The following ZEB1 variants were observed in gnomAD, a reference collection of about 807,000 sequenced individuals.
ZEB1 encodes zinc finger E-box-binding homeobox 1.
A neutral mutation model predicts 84.9 loss-of-function variants in ZEB1; 21 were observed. That is an observed-to-expected ratio of 0.25 (90% CI 0.18 to 0.36). The LOEUF is 0.36. Among genes scored for constraint, ZEB1 ranks in the 10% least tolerant of loss-of-function variants. The pLI, the probability that ZEB1 is intolerant of heterozygous loss-of-function variation, is 1.00. For synonymous variants in ZEB1, 420 were observed against 471.1 expected, an observed-to-expected ratio of 0.89 and a Z score of 1.41; for missense variants, 1,104 against 1,330.2, an observed-to-expected ratio of 0.83 and a Z score of 2.65.
At chr10:31,500,438 T>C (rs2067958300) in intron 3 of ZEB1, among the ~76,000 whole-genome samples, 1 of 152,084 alleles carries the variant, frequency 6.6e-6, no homozygotes, top group Non-Finnish European at 1.5e-5. Context: ...CCATATTATA[T>C]AGTTAATTGC....
Position 31,527,142 on chromosome 10 carries a change from G to T in ZEB1, c.3256G>T (p.Glu1086Ter). Residue 1086 changes from glutamate (E) to a stop codon, truncating the protein, a stop_gained, in exon 9 of 9, where the codon GAA becomes TAA. Transcript: ENST00000424869. LOFTEE classifies it low-confidence loss of function (END_TRUNC). ...EEVEEAENEG[E>*]EAKTEGLMKD... ...GGTAGAAGAGGCAGAGAATGAGGGA[G>T]AAGAAGCAAAAACTGAAGGTCTGAT... The T allele has an allele frequency of 6.2e-7, 1 of 1,608,984 alleles. No homozygotes were observed.
intron 1 of ZEB1, among the ~76,000 whole-genome samples, chr10:31,435,689 CA>C (rs1159942839): frequency 6.6e-6 from 1 of 152,090 alleles, no homozygotes; most frequent in Non-Finnish European, 1.5e-5. Context: ...AAAAACAGGT[CA>C]TTTAGCGAGA....
intron 1 of ZEB1, among the ~76,000 whole-genome samples, chr10:31,357,304 T>G (rs1024532661): frequency 2.0e-5 from 3 of 151,974 alleles, no homozygotes; most frequent in African/African-American, 7.2e-5. Context: ...GAACTCAGAG[T>G]AGGATGAGAA....
At chr10:31,391,394 A>G (rs573826281) in intron 1 of ZEB1, among the ~76,000 whole-genome samples, 10 of 151,700 alleles carry the variant, frequency 6.6e-5, no homozygotes, top group African/African-American at 2.4e-4. Context: ...TTTCTTCCTC[A>G]CTCTAAGAAG....
intron 4 of ZEB1, among the ~76,000 whole-genome samples, chr10:31,507,217 G>A (rs993539742): frequency 1.3e-5 from 2 of 152,204 alleles, no homozygotes; most frequent in African/African-American, 4.8e-5. Context: ...TCGTATGGAG[G>A]TTCCCTTACA....
chr10:31,489,063 G>A (rs1212862388), intron 2 of ZEB1, among the ~76,000 whole-genome samples: 1 of 151,216 alleles, frequency 6.6e-6, no homozygotes, highest in African/African-American at 2.4e-5. Flanking sequence ...TGCAAGAGGA[G>A]TATTAGAAGC....
chr10:31,357,268 TC>T (rs1213935470), intron 1 of ZEB1, among the ~76,000 whole-genome samples: 4 of 152,192 alleles, frequency 2.6e-5, no homozygotes, highest in Admixed American at 6.5e-5. Context: ...TCTAGCAACT[TC>T]AGCCATCTGC....
chr10:31,445,107 G>T (rs1442854991), intron 1 of ZEB1, among the ~76,000 whole-genome samples: 1 of 135,462 alleles, frequency 7.4e-6, no homozygotes, highest in Non-Finnish European at 1.5e-5. Context: ...GTGGTTTGTA[G>T]TTCTCCTTGA....
intron 1 of ZEB1, among the ~76,000 whole-genome samples, chr10:31,450,887 T>C (rs1291518311): frequency 6.6e-6 from 1 of 152,068 alleles, no homozygotes; most frequent in Non-Finnish European, 1.5e-5. Context: ...TGTGTGTGTG[T>C]GTGCGTGCGT....
intron 1 of ZEB1, among the ~76,000 whole-genome samples, chr10:31,331,081 C>CT (rs548615284): frequency 0.038 from 2,943 of 77,734 alleles, 454 homozygotes; most frequent in African/African-American, 0.11. Flanking sequence ...TTCTTTCTTT[C>CT]TTTTTTTTTT....
intron 1 of ZEB1, among the ~76,000 whole-genome samples, chr10:31,401,938 C>T (rs572664198): frequency 7.7e-4 from 116 of 151,330 alleles, no homozygotes; most frequent in Non-Finnish European, 1.3e-3. Context: ...AGGTTTCTTC[C>T]AAGAATGACT....
chr10:31,474,009 G>T lies in ZEB1; in HGVS notation c.259+12772G>T, dbSNP rs147504587. On this transcript the variant is annotated intron_variant, in intron 2 of 8. Transcript: ENST00000424869. Reference sequence around the variant, plus strand: ...TTCTGGGAAAACCGGCTAGCCATATGTACAAAGCTGAAACTGGATCCCTTC... The same window carrying T: ...TTCTGGGAAAACCGGCTAGCCATATTTACAAAGCTGAAACTGGATCCCTTC... 1.9e-3 allele frequency among the ~76,000 whole-genome samples: 292 copies of T among 152,294 alleles called. 2 individuals carry two copies. Among genetic ancestry groups the T allele is most frequent in the African/African-American group, 6.9e-3 (286 of 41,564 alleles).
chr10:31,412,961 A>G (rs545080283), intron 1 of ZEB1, among the ~76,000 whole-genome samples: 1 of 152,338 alleles, frequency 6.6e-6, no homozygotes, highest in East Asian at 1.9e-4. Flanking sequence ...TGTCTGGCAA[A>G]CAGACAATTT....
intron 1 of ZEB1, chr10:31,373,177 A>G: frequency 1.0e-6 from 1 of 984,230 alleles, no homozygotes; most frequent in Non-Finnish European, 1.2e-6. Flanking sequence ...GTCAATGGTA[A>G]GAGTTTTCAT....
At chr10:31,330,811 ATTC>A (rs2036571999) in intron 1 of ZEB1, among the ~76,000 whole-genome samples, 1 of 130,676 alleles carries the variant, frequency 7.7e-6, no homozygotes, top group Non-Finnish European at 1.6e-5. Context: ...TTCCTATGTA[ATTC>A]TTATTTTAAG....
At chr10:31,502,170 A>G (rs2068242387) in intron 3 of ZEB1, among the ~76,000 whole-genome samples, 178 bp from the exon 4 acceptor site, 1 of 152,184 alleles carries the variant, frequency 6.6e-6, no homozygotes, top group African/African-American at 2.4e-5. Flanking sequence ...TAAAGCAAAG[A>G]TATATCTTAA....
Position 31,479,838 on chromosome 10 carries a change from A to G in ZEB1, c.260-15938A>G, listed in dbSNP as rs533646284. Among the ~76,000 whole-genome samples the G allele has an allele frequency of 2.0e-5, 3 of 152,096 alleles. No homozygotes were observed. In the South Asian group the frequency reaches 6.2e-4, roughly 31 times the overall value. ...AATATTAAACTAGGACATGTTTGTT[A>G]TTAAAAATAAAATTTATACAGTAAG... On this transcript the variant is annotated intron_variant, in intron 2 of 8. Coordinates refer to ENST00000424869, the MANE Select transcript of ZEB1 (RefSeq NM_001174096.2).
At position 31,514,500 on chromosome 10, in the gene ZEB1, A is replaced by T. The variant is rs1051983350; in HGVS notation, c.688-103A>T. 2.9e-6 allele frequency: 3 copies of T among 1,028,498 alleles called. No individual in the cohort carries two copies. The African/African-American group carries it at 4.8e-5, about 17-fold the overall frequency. 63.7% of individuals were successfully genotyped at this position (1,028,498 alleles called of 1,614,324 possible). On this transcript the variant is annotated intron_variant, in intron 5 of 8. Transcript: ENST00000424869. ...TTGAGGTCTTTAAGAAACAAAACAA[A>T]ACAACCATCAGGCTCACAAAAATGT...
chr10:31,410,523 T>G (rs2054037578), intron 1 of ZEB1, among the ~76,000 whole-genome samples: 1 of 152,206 alleles, frequency 6.6e-6, no homozygotes, highest in African/African-American at 2.4e-5. Context: ...CCTCATAAAA[T>G]GAGTTAGGGA....
Sources: gnomAD v4.1 joint callset for allele counts (sites outside exome capture counted in the v4.1 genomes callset) on GRCh38, gnomAD v4.1.1 for gene constraint, MANE v1.5 for transcripts, NCBI Gene and HGNC (gene_info 2026-07-23, HGNC 2026-07-21) for gene names.